MROH1: variants seen among roughly 807,000 people sequenced by gnomAD.
The protein encoded by MROH1 is maestro heat-like repeat-containing protein family member 1.
A neutral mutation model predicts 116.5 loss-of-function variants in MROH1; 117 were observed. The observed-to-expected ratio is 1.00, with a 90% CI of 0.86 to 1.17. The LOEUF (loss-of-function observed/expected upper bound fraction) is 1.17. Ranked by LOEUF, MROH1 falls within the 50% of genes most tolerant of loss-of-function variation. MROH1 has a pLI of 0.00. For missense variants in MROH1, 1,873 were observed against 1,338.5 expected (o/e 1.40, Z -6.23); for synonymous variants, 921 against 583.9 (o/e 1.58, Z -8.32).
intron 32 of MROH1, among the ~76,000 whole-genome samples, chr8:144,249,711 A>G (rs1842522288): frequency 6.6e-6 from 1 of 150,932 alleles, no homozygotes; most frequent in African/African-American, 2.4e-5. Context: ...AGCCCCCCCC[A>G]AGTCCCATCC....
At chr8:144,221,809 A>T (rs971136585) in intron 13 of MROH1, among the ~76,000 whole-genome samples, 1 of 152,096 alleles carries the variant, frequency 6.6e-6, no homozygotes, top group East Asian at 1.9e-4. Flanking sequence ...CTGAGATAGC[A>T]CAAGGAGGAA....
Position 144,180,109 on chromosome 8 carries a change from C to A in MROH1, c.301-69C>A. Reference sequence around the variant, plus strand: ...GAAAACAGCGTGCGCTTGTCCAAGGCTGGCAGCGACTGAGGGCAGAATGTC... The same window carrying A: ...GAAAACAGCGTGCGCTTGTCCAAGGATGGCAGCGACTGAGGGCAGAATGTC... On this transcript the variant is annotated intron_variant, in intron 5 of 43. Coordinates refer to ENST00000326134, the MANE Select transcript of MROH1 (RefSeq NM_032450.3). This position sits in a 1 kb window ranked among gnomAD's most constrained non-coding sequence, Gnocchi z 7.4. 6.3e-7 allele frequency: 1 copy of A among 1,581,958 alleles called. No homozygotes were observed. Among genetic ancestry groups the A allele is most frequent in the Non-Finnish European group, 8.6e-7 (1 of 1,156,588 alleles).
rs1241617251 is a variant in MROH1 at position 144,163,857 on chromosome 8, A to G, written c.22+9A>G. 6.2e-7 allele frequency: 1 copy of G among 1,613,386 alleles called. No homozygotes were observed. The highest frequency in any genetic ancestry group is 1.3e-5 in the African/African-American group (1 of 74,874). ...TGAGTCCTCCATGAAGAGTGAGTGC[A>G]TGGGGATTGGGAGTGGCCGGGTGTG... On this transcript the variant is annotated intron_variant, in intron 3 of 43. Coordinates refer to ENST00000326134, the MANE Select transcript of MROH1 (RefSeq NM_032450.3). The surrounding 1 kb of genome is among the most constrained non-coding windows in gnomAD (Gnocchi z 4.4).
chr8:144,182,580 A>G lies in MROH1; in HGVS notation c.562+2057A>G, dbSNP rs1357490755. ...TGACCTTCTGTGAATTAAAGATGCC[A>G]TAATAGAAATGGGAAAAATAATAGA... On this transcript the variant is annotated intron_variant, in intron 7 of 43. Coordinates refer to ENST00000326134, the MANE Select transcript of MROH1 (RefSeq NM_032450.3). This position sits in a 1 kb window ranked among gnomAD's most constrained non-coding sequence, Gnocchi z 4.1. 1.3e-5 allele frequency among the ~76,000 whole-genome samples: 2 copies of G among 152,228 alleles called. No individual in the cohort carries two copies. The highest frequency in any genetic ancestry group is 2.4e-5 in the African/African-American group (1 of 41,468).
Position 144,245,198 on chromosome 8 carries a change from G to A in MROH1, c.2809G>A (p.Ala937Thr). The A allele has an allele frequency of 1.3e-6, 1 of 779,216 alleles. No homozygotes were observed. Among genetic ancestry groups the A allele is most frequent in the Non-Finnish European group, 2.4e-6 (1 of 417,776 alleles). The allele number at this position is 779,216 out of a possible 1,614,324, so 48.3% of individuals were successfully genotyped here. A position where few individuals can be genotyped will look rare whatever the true frequency, so the allele number is the denominator to read the frequency against. Residue 937 changes from alanine (A) to threonine (T), a missense_variant, in exon 29 of 44, where the codon GCG becomes ACG. Transcript: ENST00000326134. ...CAAGTCCCCAAGAGGTCACGAGCGGGCGCGGGCCCTGGGCCTGAGCGCCCT... is the reference window on the plus strand; with the variant it reads ...CAAGTCCCCAAGAGGTCACGAGCGGACGCGGGCCCTGGGCCTGAGCGCCCT... Reference protein sequence around the residue: ...WIKSPRGHERARALGLSALLL... With the variant: ...WIKSPRGHERTRALGLSALLL...
intron 12 of MROH1, among the ~76,000 whole-genome samples, chr8:144,203,909 A>T (rs1832254858): frequency 6.6e-6 from 1 of 152,176 alleles, no homozygotes; most frequent in South Asian, 2.1e-4. Context: ...TTAATTCATC[A>T]ATCACATTTA....
chr8:144,198,054 AAAAAAAAAAAG>A (rs1241775915), intron 10 of MROH1, among the ~76,000 whole-genome samples: 3 of 151,118 alleles, frequency 2.0e-5, no homozygotes, highest in African/African-American at 7.3e-5. Context: ...TTTCAAAAAA[AAAAAAAAAAAG>A]AAAGAAAAAT....
chr8:144,200,341 C>T (rs757761547), intron 11 of MROH1, 87 bp from the exon 12 acceptor site: 1 of 1,066,586 alleles, frequency 9.4e-7, no homozygotes, highest in Non-Finnish European at 1.3e-6. Flanking sequence ...TCCTCTGGCT[C>T]CTCCCCTGTG....
intron 4 of MROH1, 65 bp from the exon 5 acceptor site, chr8:144,179,390 C>A: frequency 6.3e-7 from 1 of 1,591,886 alleles, no homozygotes; most frequent in Non-Finnish European, 8.6e-7. Context: ...GAGACAGTGA[C>A]AGGCACTCAG....
intron 12 of MROH1, among the ~76,000 whole-genome samples, chr8:144,205,536 A>ACG (rs759788352): frequency 2.0e-5 from 3 of 151,020 alleles, no homozygotes; most frequent in Non-Finnish European, 4.4e-5. Flanking sequence ...ACACACACAC[A>ACG]CGCATGCATG....
At chr8:144,239,515 G>C in intron 17 of MROH1, 99 bp from the exon 18 acceptor site, 1 of 760,206 alleles carries the variant, frequency 1.3e-6, no homozygotes, top group South Asian at 1.4e-5. Flanking sequence ...TTTGGGAAGA[G>C]CCAGGCTCCC....
chr8:144,158,744 T>G (rs931291051), intron 1 of MROH1, among the ~76,000 whole-genome samples: 1 of 151,830 alleles, frequency 6.6e-6, no homozygotes, highest in East Asian at 1.9e-4. Flanking sequence ...TTTTACACTT[T>G]TTTTTTTTTA....
At chr8:144,230,036 AAATAAT>A (rs35362416) in intron 14 of MROH1, among the ~76,000 whole-genome samples, 4 of 150,086 alleles carry the variant, frequency 2.7e-5, no homozygotes, top group South Asian at 2.1e-4. Flanking sequence ...TCTGTCTCAA[AAATAAT>A]AATAATAATA....
chr8:144,148,540 C>T (rs1815964563), intron 1 of MROH1: 6 of 152,718 alleles, frequency 3.9e-5, no homozygotes, highest in African/African-American at 2.4e-5. Flanking sequence ...GGAAGCCAAG[C>T]ATACGCCCGG....
At chr8:144,253,114 G>A (rs924882133) in intron 33 of MROH1, among the ~76,000 whole-genome samples, 15 of 147,396 alleles carry the variant, frequency 1.0e-4, no homozygotes, top group Non-Finnish European at 1.6e-4. Context: ...AGATCGCGCC[G>A]TTGCACTCCA....
rs1209606012 is a variant in MROH1, at chr8:144,190,818, C to T, written c.597C>T (p.Tyr199=). 5.0e-6 allele frequency: 8 copies of T among 1,613,728 alleles called. No homozygotes were observed. Among genetic ancestry groups the T allele is most frequent in the African/African-American group, 1.3e-5 (1 of 75,058 alleles). The change falls in exon 8 of 44, where the codon TAC becomes TAT. Residue 199 remains tyrosine (Y), a synonymous_variant. Transcript: ENST00000326134. The stretch of plus-strand genomic sequence containing the variant: ...GCTTCAGCGAGGGTGCCCTGGAGTA[C>T]CTAGCCAACCTGGACCGAGCCCCAG... ...LQRFSEGALE[Y]LANLDRAPDP... is the part of the protein sequence containing the mutation.
chr8:144,250,163 C>T, intron 32 of MROH1, 49 bp from the exon 33 acceptor site: 2 of 748,380 alleles, frequency 2.7e-6, no homozygotes, highest in Non-Finnish European at 4.9e-6. Flanking sequence ...GGTGTGCCCA[C>T]AGCTGTCCCC....
intron 43 of MROH1, 30 bp downstream of exon 43, chr8:144,261,379 TGGGCCCTGCTGACCCTGTAGGCACCCGCA>T (rs1669560004): frequency 1.4e-6 from 1 of 700,838 alleles, no homozygotes; most frequent in African/African-American, 1.7e-5. Context: ...GCCCCTCCGC[TGGGCCCTGCTGACCCTGTAGGCACCCGCA>T]GGGACTAAGT....
Position 144,203,278 on chromosome 8 carries a change from G to C in MROH1, c.1141+2737G>C, listed in dbSNP as rs1230141122. 1.0e-4 allele frequency among the ~76,000 whole-genome samples: 10 copies of C among 95,900 alleles called. 1 individual carries two copies. Among genetic ancestry groups the C allele is most frequent in the Admixed American group, 2.2e-4 (2 of 9,132 alleles). The allele number at this position is 95,900 out of a possible 152,430, so 62.9% of individuals were successfully genotyped here. ...GGGGCGGGGGGGGGGAGCGCCCGCT[G>C]TCTGTGGAGGGGCTGGGAAGGAAGC... On this transcript the variant is annotated intron_variant, in intron 12 of 43. Transcript: ENST00000326134.
Sources: allele counts gnomAD v4.1 joint callset (sites outside exome capture counted in the v4.1 genomes callset), GRCh38; gene constraint gnomAD v4.1.1; non-coding constraint Gnocchi (gnomAD v3.1); transcripts MANE v1.5; gene names NCBI Gene and HGNC (gene_info 2026-07-23, HGNC 2026-07-21).